PSAT1: variants seen among roughly 807,000 people sequenced by gnomAD.
PSAT1 encodes phosphoserine aminotransferase 1.
Under a neutral mutation model 40.3 loss-of-function variants are expected in PSAT1, and 41 were observed. The ratio of observed to expected loss-of-function variants is 1.02; its 90% confidence interval spans 0.79 to 1.32. The LOEUF is 1.32. Among genes scored for constraint, PSAT1 ranks in the 40% most tolerant of loss-of-function variants. The pLI, the probability that PSAT1 is intolerant of heterozygous loss-of-function variation, is 0.00. For synonymous variants in PSAT1, 147 were observed against 170.5 expected, an observed-to-expected ratio of 0.86 and a Z score of 1.07; for missense variants, 406 against 455.8, an observed-to-expected ratio of 0.89 and a Z score of 0.99.
chr9:78,318,569 T>C (rs1564017984), intron 7 of PSAT1, among the ~76,000 whole-genome samples: 1 of 152,158 alleles, frequency 6.6e-6, no homozygotes, highest in Non-Finnish European at 1.5e-5. Context: ...CTCCTTTAGA[T>C]TCTAGTGGCT....
At chr9:78,326,955 A>ATATATATTTTTT in intron 7 of PSAT1, among the ~76,000 whole-genome samples, 36 of 75,930 alleles carry the variant, frequency 4.7e-4, no homozygotes, top group African/African-American at 3.2e-3. Flanking sequence ...ATATATATAT[A>ATATATATTTTTT]TTTTTTTTTT....
At chr9:78,308,207 C>G (rs564314662) in intron 5 of PSAT1, among the ~76,000 whole-genome samples, 2 of 152,146 alleles carry the variant, frequency 1.3e-5, no homozygotes, top group Non-Finnish European at 2.9e-5. Context: ...AGGTGAGGAC[C>G]AGGCTGACGG....
chr9:78,301,075 T>A (rs1587632671), intron 2 of PSAT1, among the ~76,000 whole-genome samples: 1 of 152,040 alleles, frequency 6.6e-6, no homozygotes, highest in African/African-American at 2.4e-5. Flanking sequence ...AATATAGAAT[T>A]ACAGGGCCTA....
At chr9:78,319,970 A>G (rs1828402751) in intron 7 of PSAT1, among the ~76,000 whole-genome samples, 2 of 138,028 alleles carry the variant, frequency 1.4e-5, no homozygotes, top group African/African-American at 4.9e-5. Flanking sequence ...CTACCCATCT[A>G]TCCATCCACT....
intron 2 of PSAT1, 82 bp downstream of exon 2, chr9:78,300,744 C>G: frequency 7.1e-7 from 1 of 1,400,292 alleles, no homozygotes; most frequent in South Asian, 1.4e-5. Context: ...GAGGCAGGGT[C>G]CTGCTCTGTC....
chr9:78,306,806 C>T (rs955802534), intron 5 of PSAT1, among the ~76,000 whole-genome samples: 2 of 152,312 alleles, frequency 1.3e-5, no homozygotes, highest in East Asian at 1.9e-4. Context: ...AGAGCAGATG[C>T]AGATTATCCC....
At chr9:78,327,114 C>T (rs1828512162) in intron 7 of PSAT1, among the ~76,000 whole-genome samples, 1 of 148,820 alleles carries the variant, frequency 6.7e-6, no homozygotes. Flanking sequence ...TGCCAGCACG[C>T]CCAGCTAATT....
chr9:78,320,039 C>T (rs1188078379), intron 7 of PSAT1, among the ~76,000 whole-genome samples: 1 of 151,308 alleles, frequency 6.6e-6, no homozygotes, highest in Non-Finnish European at 1.5e-5. Context: ...CATTCATCCA[C>T]TCATCCACTC....
chr9:78,317,081 G>T (rs1333255130), intron 6 of PSAT1, among the ~76,000 whole-genome samples: 1 of 152,226 alleles, frequency 6.6e-6, no homozygotes, highest in Non-Finnish European at 1.5e-5. Context: ...CTCAAGAAGA[G>T]TTTACATTAG....
At chr9:78,299,665 A>G (rs1490380448) in intron 1 of PSAT1, among the ~76,000 whole-genome samples, 1 of 151,526 alleles carries the variant, frequency 6.6e-6, no homozygotes, top group Non-Finnish European at 1.5e-5. Flanking sequence ...GGCACCCACC[A>G]CCAAGCCCAG....
chr9:78,302,271 A>G (rs938644923), intron 3 of PSAT1, among the ~76,000 whole-genome samples: 1 of 152,174 alleles, frequency 6.6e-6, no homozygotes, highest in Non-Finnish European at 1.5e-5. Flanking sequence ...GTATCTAGGA[A>G]TGATTTTTCA....
chr9:78,302,047 A>G (rs769298591), intron 3 of PSAT1, 24 bp downstream of exon 3: 4 of 1,539,834 alleles, frequency 2.6e-6, no homozygotes, highest in East Asian at 4.5e-5. Flanking sequence ...AGACCAAATC[A>G]TGTTACTTTT....
intron 7 of PSAT1, among the ~76,000 whole-genome samples, chr9:78,326,785 G>A (rs1006167266): frequency 6.6e-6 from 1 of 151,052 alleles, no homozygotes. Context: ...TGCTGGTCTT[G>A]GGATGCCTCA....
chr9:78,300,210 C>G (rs572291560), intron 1 of PSAT1, among the ~76,000 whole-genome samples: 19 of 152,242 alleles, frequency 1.2e-4, no homozygotes, highest in African/African-American at 4.6e-4. Context: ...CAAAAGAGAT[C>G]GGAAAATTGA....
At chr9:78,303,601 C>T (rs1335384044) in intron 3 of PSAT1, among the ~76,000 whole-genome samples, 3 of 152,180 alleles carry the variant, frequency 2.0e-5, no homozygotes, top group Non-Finnish European at 4.4e-5. Flanking sequence ...GAACCTGGAA[C>T]TCTGTCTTGG....
rs532434014 is a variant in PSAT1 at position 78,298,170 on chromosome 9, C to G, written c.60+900C>G. On this transcript the variant is annotated intron_variant, in intron 1 of 8. Coordinates refer to ENST00000376588, the MANE Select transcript of PSAT1 (RefSeq NM_058179.4). ...CCCCAGCCCGGCTCCTCCCCTCCCC[C>G]GCCAAACCCACCGTCCCCAGCCCCA... is the stretch of plus-strand genomic sequence containing the variant. 2.0e-3 allele frequency: 683 copies of G among 335,746 alleles called. 9 individuals are homozygous for G. Among genetic ancestry groups the G allele is most frequent in the African/African-American group, 0.014 (634 of 44,942 alleles). The allele number at this position is 335,746 out of a possible 1,614,324, so 20.8% of individuals were successfully genotyped here.
intron 6 of PSAT1, among the ~76,000 whole-genome samples, chr9:78,308,839 C>G (rs1479009449): frequency 6.6e-6 from 1 of 152,094 alleles, no homozygotes; most frequent in Non-Finnish European, 1.5e-5. Flanking sequence ...CCTATAATCC[C>G]AGCTACTAAG....
At chr9:78,322,161 A>G (rs1828437980) in intron 7 of PSAT1, among the ~76,000 whole-genome samples, 1 of 150,656 alleles carries the variant, frequency 6.6e-6, no homozygotes, top group African/African-American at 2.4e-5. Context: ...TAATTTTATT[A>G]TATAAGGATG....
Position 78,300,710 on chromosome 9 carries a change from C to CTTTT in PSAT1, c.121+67_121+70dup, listed in dbSNP as rs753207413. ...GTGAATGTCCATGTTTCAAAGGAAG[C>CTTTT]TTTTTTTTTTTTTTTTTTTTTTAGA... On this transcript the variant is annotated intron_variant, in intron 2 of 8. Coordinates refer to ENST00000376588, the MANE Select transcript of PSAT1 (RefSeq NM_058179.4). The CTTTT allele has an allele frequency of 3.7e-4, 407 of 1,107,298 alleles. 6 individuals carry two copies. The highest frequency in any genetic ancestry group is 3.0e-3 in the African/African-American group (125 of 41,540). 68.6% of individuals were successfully genotyped at this position (1,107,298 alleles called of 1,614,324 possible). A position where few individuals can be genotyped will look rare whatever the true frequency, so the allele number is the denominator to read the frequency against.
Sources: gnomAD v4.1 joint callset for allele counts (sites outside exome capture counted in the v4.1 genomes callset) on GRCh38, gnomAD v4.1.1 for gene constraint, MANE v1.5 for transcripts, NCBI Gene and HGNC (gene_info 2026-07-23, HGNC 2026-07-21) for gene names.